Variants in WDR70 observed in about 807,000 individuals in gnomAD.
WDR70 encodes the protein WD repeat-containing protein 70.
In WDR70, 53 loss-of-function variants were observed where a neutral mutation model predicts 88.6. The ratio of observed to expected loss-of-function variants is 0.60; its 90% CI spans 0.48 to 0.75. The LOEUF (loss-of-function observed/expected upper bound fraction) is 0.75, where lower values mean the gene tolerates loss of function less well. Ranked by LOEUF, WDR70 falls within the 30% of genes least tolerant of loss-of-function variation. The pLI is 0.00. For missense variants in WDR70, 610 were observed against 823.2 expected (o/e 0.74, Z 3.17); for synonymous variants, 280 against 270.0 (o/e 1.04, Z -0.36).
At chr5:37,750,258 G>A (rs1349832231) in intron 17 of WDR70, among the ~76,000 whole-genome samples, 1 of 152,142 alleles carries the variant, frequency 6.6e-6, no homozygotes, top group Non-Finnish European at 1.5e-5. Context: ...TCTTGGCTGG[G>A]CGTGGTGACT....
intron 9 of WDR70, among the ~76,000 whole-genome samples, chr5:37,521,295 C>G (rs1741077117): frequency 2.1e-5 from 1 of 48,014 alleles, no homozygotes; most frequent in African/African-American, 3.9e-5. Context: ...TATTCCAAGA[C>G]CAGTGATACA....
intron 10 of WDR70, among the ~76,000 whole-genome samples, chr5:37,617,406 T>A (rs1744376299): frequency 6.6e-6 from 1 of 152,170 alleles, no homozygotes; most frequent in African/African-American, 2.4e-5. Context: ...ATGGGTGAAT[T>A]TTATGGTCTT....
chr5:37,741,829 G>A (rs1027442199), intron 17 of WDR70, among the ~76,000 whole-genome samples: 1 of 152,136 alleles, frequency 6.6e-6, no homozygotes, highest in African/African-American at 2.4e-5. Context: ...TTTGACTACT[G>A]TAGGTACCTC....
chr5:37,716,079 C>G (rs938569218), intron 13 of WDR70, among the ~76,000 whole-genome samples: 2 of 152,182 alleles, frequency 1.3e-5, no homozygotes, highest in Non-Finnish European at 2.9e-5. Flanking sequence ...AATGCTTGTT[C>G]AGGGAATCAC....
At chr5:37,692,598 G>A (rs1205591151) in intron 10 of WDR70, among the ~76,000 whole-genome samples, 1 of 152,080 alleles carries the variant, frequency 6.6e-6, no homozygotes, top group Non-Finnish European at 1.5e-5. Context: ...CACATAAACA[G>A]AACCAATGAA....
intron 10 of WDR70, among the ~76,000 whole-genome samples, chr5:37,679,404 G>GT (rs140112517): frequency 0.99 from 148,757 of 150,314 alleles, 73,625 homozygotes; most frequent in East Asian, 1. Context: ...GTACAGATGG[G>GT]TTTTGGTGTG....
At chr5:37,402,141 G>A (rs1314840473) in intron 5 of WDR70, among the ~76,000 whole-genome samples, 1 of 151,864 alleles carries the variant, frequency 6.6e-6, no homozygotes, top group Non-Finnish European at 1.5e-5. Flanking sequence ...CCACTTTTAT[G>A]AGATCAGTTT....
intron 16 of WDR70, among the ~76,000 whole-genome samples, chr5:37,726,293 T>C (rs994426910): frequency 7.2e-5 from 11 of 152,178 alleles, no homozygotes; most frequent in African/African-American, 4.8e-5. Context: ...CATATGTTTA[T>C]TTTATCTTCC....
intron 15 of WDR70, 128 bp from the exon 16 acceptor site, chr5:37,724,806 C>G: frequency 1.1e-6 from 1 of 951,758 alleles, no homozygotes; most frequent in Non-Finnish European, 1.6e-6. Context: ...GTAAGACTGT[C>G]TTTTATTATC....
At chr5:37,679,198 T>C (rs1272393302) in intron 10 of WDR70, among the ~76,000 whole-genome samples, 1 of 151,970 alleles carries the variant, frequency 6.6e-6, no homozygotes, top group Non-Finnish European at 1.5e-5. Flanking sequence ...TAGCTCGTAG[T>C]AGTTTGATCG....
intron 10 of WDR70, among the ~76,000 whole-genome samples, chr5:37,616,833 G>A (rs921372132): frequency 4.6e-5 from 7 of 151,916 alleles, no homozygotes; most frequent in Admixed American, 4.6e-4. Flanking sequence ...GAGCATTATA[G>A]GTTTTATCTT....
intron 8 of WDR70, among the ~76,000 whole-genome samples, chr5:37,515,362 TGTTC>T (rs990101099): frequency 6.6e-6 from 1 of 152,234 alleles, no homozygotes; most frequent in Non-Finnish European, 1.5e-5. Context: ...GTACCTGTTG[TGTTC>T]GAGATGCCTA....
intron 15 of WDR70, chr5:37,724,211 A>G (rs1041940161): frequency 7.2e-5 from 11 of 152,158 alleles, no homozygotes; most frequent in Admixed American, 3.3e-4. Context: ...CCCCTAGAAT[A>G]TTATACTGTT....
chr5:37,722,648 T>G, intron 14 of WDR70: 1 of 563,716 alleles, frequency 1.8e-6, no homozygotes. Flanking sequence ...TGCTTGTTAA[T>G]AACCACTGAC....
chr5:37,457,799 G>A (rs547410676), intron 7 of WDR70, among the ~76,000 whole-genome samples: 1 of 152,236 alleles, frequency 6.6e-6, no homozygotes, highest in East Asian at 1.9e-4. Flanking sequence ...GCTTGTTTTT[G>A]TATGACACTT....
intron 9 of WDR70, among the ~76,000 whole-genome samples, chr5:37,529,925 T>A (rs1266851535): frequency 6.6e-6 from 1 of 152,164 alleles, no homozygotes; most frequent in East Asian, 1.9e-4. Context: ...TGCTTTCAAA[T>A]TTTCCCCATT....
chr5:37,662,014 CA>C (rs1745711812), intron 10 of WDR70, among the ~76,000 whole-genome samples: 2 of 152,186 alleles, frequency 1.3e-5, no homozygotes, highest in Admixed American at 1.3e-4. Flanking sequence ...TATTTTGTTT[CA>C]GAGTCAAACC....
intron 7 of WDR70, among the ~76,000 whole-genome samples, chr5:37,464,465 C>T (rs912311530): frequency 1.6e-4 from 24 of 152,134 alleles, no homozygotes; most frequent in Admixed American, 1.3e-3. Context: ...AAGATCAGTA[C>T]GAAGAATTGC....
At chr5:37,420,390 C>T (rs1489368206) in intron 5 of WDR70, among the ~76,000 whole-genome samples, 1 of 152,074 alleles carries the variant, frequency 6.6e-6, no homozygotes, top group Non-Finnish European at 1.5e-5. Context: ...CTTTTGTTGA[C>T]GTGTATACAA....
Sources: gnomAD v4.1 joint callset for allele counts (sites outside exome capture counted in the v4.1 genomes callset) on GRCh38, gnomAD v4.1.1 for gene constraint, MANE v1.5 for transcripts, NCBI Gene and HGNC (gene_info 2026-07-23, HGNC 2026-07-21) for gene names.